Variants in MACROD2 observed in about 807,000 individuals in gnomAD.
The protein encoded by MACROD2 is mono-ADP ribosylhydrolase 2.
A neutral mutation model predicts 70.4 loss-of-function variants in MACROD2; 36 were observed. The observed-to-expected ratio is 0.51, with a 90% CI of 0.39 to 0.68. The LOEUF is 0.68. Among genes scored for constraint, MACROD2 ranks in the 30% least tolerant of loss-of-function variants. MACROD2 has a pLI of 0.00. For missense variants in MACROD2, 496 were observed against 538.4 expected (o/e 0.92, Z 0.78); for synonymous variants, 172 against 178.8 (o/e 0.96, Z 0.30).
intron 3 of MACROD2, among the ~76,000 whole-genome samples, chr20:14,454,657 A>G (rs1213936250): frequency 6.6e-6 from 1 of 151,690 alleles, no homozygotes; most frequent in Admixed American, 6.6e-5. Context: ...TATATAAGCA[A>G]CTTCTTCATT....
chr20:14,783,173 C>T (rs189848826), intron 5 of MACROD2, among the ~76,000 whole-genome samples: 1 of 152,100 alleles, frequency 6.6e-6, no homozygotes, highest in Admixed American at 6.5e-5. Context: ...TGTTCTTATG[C>T]TGTAATCTTT....
chr20:13,995,550 C>A lies in MACROD2; in HGVS notation c.-214C>A. ...TGAGGTGCTGCTGTGGCGGCGTCCG[C>A]GGGGCTGAGGCGGGTGGGAGCCGGA... On this transcript the variant is annotated 5_prime_UTR_variant, in exon 1 of 18. Transcript: ENST00000684519. This position sits in a 1 kb window ranked among gnomAD's most constrained non-coding sequence, Gnocchi z 4.3. 1 of 639,364 alleles carries A rather than the reference C, an allele frequency of 1.6e-6. No homozygotes were observed. Among genetic ancestry groups the A allele is most frequent in the East Asian group, 2.8e-5 (1 of 35,938 alleles). 39.6% of individuals were successfully genotyped at this position (639,364 alleles called of 1,614,324 possible). A position where few individuals can be genotyped will look rare whatever the true frequency, so the allele number is the denominator to read the frequency against.
At chr20:15,057,521 C>T (rs1162749262) in intron 5 of MACROD2, among the ~76,000 whole-genome samples, 1 of 152,190 alleles carries the variant, frequency 6.6e-6, no homozygotes, top group Non-Finnish European at 1.5e-5. Flanking sequence ...CCATATATGG[C>T]CTTCTACTCA....
At chr20:14,695,301 T>C (rs1355014150) in intron 5 of MACROD2, among the ~76,000 whole-genome samples, 1 of 152,162 alleles carries the variant, frequency 6.6e-6, no homozygotes, top group Non-Finnish European at 1.5e-5. Context: ...TCTGCTTCTG[T>C]TTATACCTGA....
intron 10 of MACROD2, among the ~76,000 whole-genome samples, chr20:15,903,687 G>C (rs1461295243): frequency 6.6e-6 from 1 of 152,196 alleles, no homozygotes; most frequent in Non-Finnish European, 1.5e-5. Context: ...GCCACTGTAA[G>C]AACTTTGACT....
At chr20:15,445,293 G>C (rs548762305) in intron 7 of MACROD2, among the ~76,000 whole-genome samples, 1 of 152,250 alleles carries the variant, frequency 6.6e-6, no homozygotes, top group East Asian at 1.9e-4. Context: ...AATGAAGTCT[G>C]TTTGTAACAT....
intron 8 of MACROD2, among the ~76,000 whole-genome samples, chr20:15,805,753 G>A (rs2063763847): frequency 6.6e-6 from 1 of 152,196 alleles, no homozygotes; most frequent in African/African-American, 2.4e-5. Context: ...TGGGATTACA[G>A]GTGTGAGCCA....
intron 4 of MACROD2, among the ~76,000 whole-genome samples, chr20:14,520,615 GTT>G (rs2085156838): frequency 6.6e-6 from 1 of 151,588 alleles, no homozygotes; most frequent in East Asian, 1.9e-4. Flanking sequence ...CTTGCTCCTA[GTT>G]TTTCATCTTC....
chr20:14,208,887 T>C (rs569189677), intron 3 of MACROD2, among the ~76,000 whole-genome samples: 2 of 152,290 alleles, frequency 1.3e-5, no homozygotes, highest in East Asian at 3.9e-4. Context: ...CTCCTAAAAG[T>C]AGAAGAAAAA....
chr20:15,378,282 T>TA (rs2045592179), intron 6 of MACROD2, among the ~76,000 whole-genome samples: 4 of 65,454 alleles, frequency 6.1e-5, no homozygotes, highest in African/African-American at 1.1e-4. Context: ...GCAATAAAAT[T>TA]GAAAAAAAAA....
intron 6 of MACROD2, among the ~76,000 whole-genome samples, chr20:15,230,688 A>G (rs1474338949): frequency 6.6e-6 from 1 of 152,102 alleles, no homozygotes; most frequent in Non-Finnish European, 1.5e-5. Flanking sequence ...GAAAATGTGG[A>G]TCTAATCTAT....
chr20:15,446,208 G>T (rs943170393), intron 7 of MACROD2, among the ~76,000 whole-genome samples: 3 of 152,058 alleles, frequency 2.0e-5, no homozygotes, highest in African/African-American at 7.2e-5. Context: ...CAGCCATTGG[G>T]TTCATCATCA....
chr20:15,912,111 A>G (rs548704796), intron 10 of MACROD2, among the ~76,000 whole-genome samples: 2 of 152,374 alleles, frequency 1.3e-5, no homozygotes, highest in East Asian at 3.9e-4. Flanking sequence ...AGGAATGCCA[A>G]TAGTACGGAT....
Position 16,052,762 on chromosome 20 carries a change from C to A in MACROD2, c.*2886C>A, listed in dbSNP as rs2067474914. Reference sequence around the variant, plus strand: ...GCTTGATGCACTTGATTTGAAAAGACATTTCTCTGTATGTGGCGCATGTCG... The same window carrying A: ...GCTTGATGCACTTGATTTGAAAAGAAATTTCTCTGTATGTGGCGCATGTCG... On this transcript the variant is annotated 3_prime_UTR_variant, in exon 18 of 18. Transcript: ENST00000684519. 6.6e-6 allele frequency: 1 copy of A among 152,600 alleles called. No homozygotes were observed. Among genetic ancestry groups the A allele is most frequent in the African/African-American group, 2.4e-5 (1 of 41,446 alleles). 9.5% of individuals were successfully genotyped at this position (152,600 alleles called of 1,614,324 possible).
At chr20:15,662,844 T>C (rs2049841209) in intron 8 of MACROD2, among the ~76,000 whole-genome samples, 1 of 151,866 alleles carries the variant, frequency 6.6e-6, no homozygotes, top group South Asian at 2.1e-4. Context: ...GAGTGGGGCC[T>C]TATGGGGAAG....
At chr20:15,669,530 T>C (rs1209979601) in intron 8 of MACROD2, among the ~76,000 whole-genome samples, 1 of 152,148 alleles carries the variant, frequency 6.6e-6, no homozygotes, top group Non-Finnish European at 1.5e-5. Context: ...GCTCCCTGAT[T>C]TTTCATTAGG....
At chr20:14,658,759 A>G (rs1015171089) in intron 4 of MACROD2, among the ~76,000 whole-genome samples, 1 of 152,082 alleles carries the variant, frequency 6.6e-6, no homozygotes, top group African/African-American at 2.4e-5. Flanking sequence ...GAATACAGGC[A>G]CATGCTGCCA....
intron 3 of MACROD2, among the ~76,000 whole-genome samples, chr20:14,356,871 C>T (rs8120919): frequency 0.058 from 8,800 of 152,186 alleles, 448 homozygotes; most frequent in African/African-American, 0.14. Context: ...TGCTAGGAGC[C>T]CAGCCAGAGC....
intron 8 of MACROD2, among the ~76,000 whole-genome samples, chr20:15,815,413 C>CT (rs35634648): frequency 0.25 from 36,934 of 147,352 alleles, 4,622 homozygotes; most frequent in East Asian, 0.46. Context: ...AACAATAGTT[C>CT]TTTTTTTTTT....
Sources: gnomAD v4.1 joint callset for allele counts (sites outside exome capture counted in the v4.1 genomes callset) on GRCh38, gnomAD v4.1.1 for gene constraint, Gnocchi (gnomAD v3.1) non-coding constraint, MANE v1.5 for transcripts, NCBI Gene and HGNC (gene_info 2026-07-23, HGNC 2026-07-21) for gene names.